Variants in TMEM39B observed in about 807,000 individuals in gnomAD.
TMEM39B encodes transmembrane protein 39B.
TMEM39B carries 23 observed loss-of-function variants against 52.2 expected under a neutral mutation model. The observed-to-expected ratio is 0.44, with a 90% CI of 0.32 to 0.62. The LOEUF (loss-of-function observed/expected upper bound fraction) is 0.62. Ranked by LOEUF, TMEM39B falls within the 20% of genes least tolerant of loss-of-function variation. The probability of loss-of-function intolerance (pLI) is 0.06; values close to 1 mark genes in which losing one functional copy is unlikely to be tolerated. For synonymous variants in TMEM39B, 285 were observed against 264.0 expected (o/e 1.08, Z -0.77); for missense variants, 547 against 642.0 (o/e 0.85, Z 1.60).
chr1:32,097,991 A>G (rs1640876079), intron 7 of TMEM39B, among the ~76,000 whole-genome samples: 1 of 151,498 alleles, frequency 6.6e-6, no homozygotes, highest in South Asian at 2.1e-4. Context: ...GAGTCGCACA[A>G]TAACTTTTCT....
In TMEM39B at chr1:32,075,747, C is replaced by T. The variant is rs1399959979; in HGVS notation, c.276C>T (p.Leu92=). ...TCTTCTTCTGCCAGCTCATAGCACT[C>T]TTCGTCCACTACATCAACATCTACA... ...LQLFFCQLIA[L]FVHYINIYKT... Residue 92 remains leucine, a synonymous_variant, in exon 3 of 9, where the codon CTC becomes CTT. Coordinates refer to ENST00000336294, the MANE Select transcript of TMEM39B (RefSeq NM_018056.4). 2 of 1,551,478 alleles carry T rather than the reference C, an allele frequency of 1.3e-6. No individual in the cohort carries two copies. Among genetic ancestry groups the T allele is most frequent in the South Asian group, 2.4e-5 (2 of 84,050 alleles).
At chr1:32,097,425 G>C (rs1640853010) in intron 7 of TMEM39B, among the ~76,000 whole-genome samples, 1 of 151,492 alleles carries the variant, frequency 6.6e-6, no homozygotes, top group Admixed American at 6.6e-5. Flanking sequence ...CCGCCTCCCA[G>C]GTTCAAGCAG....
At chr1:32,079,304 C>A (rs1049359370) in intron 5 of TMEM39B, among the ~76,000 whole-genome samples, 2 of 151,934 alleles carry the variant, frequency 1.3e-5, no homozygotes, top group African/African-American at 4.8e-5. Flanking sequence ...CCTGCCTCAG[C>A]CTCCTGAGTA....
At chr1:32,096,413 G>A (rs561340660) in intron 7 of TMEM39B, among the ~76,000 whole-genome samples, 1 of 150,656 alleles carries the variant, frequency 6.6e-6, no homozygotes, top group Admixed American at 6.6e-5. Context: ...CAAAGGTCAG[G>A]GCCCTTGCCT....
intron 6 of TMEM39B, among the ~76,000 whole-genome samples, chr1:32,092,625 G>T (rs1025049990): frequency 6.6e-6 from 1 of 152,080 alleles, no homozygotes; most frequent in Non-Finnish European, 1.5e-5. Context: ...CAAGTAGCTG[G>T]GATCATAGAC....
Position 32,102,642 on chromosome 1 carries a change from C to T in TMEM39B, c.1448C>T (p.Pro483Leu). 1 of 1,599,734 alleles carries T rather than the reference C, an allele frequency of 6.3e-7. No homozygotes were observed. Among genetic ancestry groups the T allele is most frequent in the Non-Finnish European group, 8.5e-7 (1 of 1,171,714 alleles). Reference protein sequence around the residue: ...LGKAYSYSASPQRDLDHRFS With the variant: ...LGKAYSYSASLQRDLDHRFS ...AAGGCCTACTCATACTCTGCTAGCC[C>T]CCAGAGAGACCTGGACCACCGTTTC... Residue 483 changes from proline (P) to leucine (L), a missense_variant, in exon 9 of 9, where the codon CCC becomes CTC. By Grantham distance (98) the Pro-to-Leu change is moderately conservative. Transcript: ENST00000336294.
chr1:32,096,432 C>T (rs1640808981), intron 7 of TMEM39B, among the ~76,000 whole-genome samples: 1 of 147,880 alleles, frequency 6.8e-6, no homozygotes, highest in Non-Finnish European at 1.5e-5. Flanking sequence ...CTGTCTAGCA[C>T]TCAGTTGTCT....
At chr1:32,082,707 T>G (rs886282850) in intron 5 of TMEM39B, among the ~76,000 whole-genome samples, 1 of 152,044 alleles carries the variant, frequency 6.6e-6, no homozygotes, top group Non-Finnish European at 1.5e-5. Flanking sequence ...CCATTCATCT[T>G]GGCCTCCCAA....
At chr1:32,078,168 G>A (rs559907510) in intron 5 of TMEM39B, among the ~76,000 whole-genome samples, 12 of 152,234 alleles carry the variant, frequency 7.9e-5, no homozygotes, top group African/African-American at 2.9e-4. Flanking sequence ...ACTTCCTTCA[G>A]TTATATCTAC....
intron 5 of TMEM39B, among the ~76,000 whole-genome samples, chr1:32,086,274 G>A (rs1640346525): frequency 6.6e-6 from 1 of 152,142 alleles, no homozygotes; most frequent in Admixed American, 6.6e-5. Context: ...CTTCAAGGCA[G>A]AGTCTCTCTT....
At chr1:32,075,199 A>G in intron 2 of TMEM39B, 122 bp downstream of exon 2, 2 of 1,358,760 alleles carry the variant, frequency 1.5e-6, no homozygotes, top group Non-Finnish European at 9.8e-7. Flanking sequence ...AGAGGGGAGT[A>G]AGCAGCAGAA....
At chr1:32,089,017 T>A (rs1640495458) in intron 5 of TMEM39B, among the ~76,000 whole-genome samples, 1 of 152,020 alleles carries the variant, frequency 6.6e-6, no homozygotes, top group Non-Finnish European at 1.5e-5. Context: ...AATACCTTGC[T>A]GAGAGTGGGA....
intron 7 of TMEM39B, among the ~76,000 whole-genome samples, chr1:32,096,499 G>T (rs200162158): frequency 1.1e-4 from 13 of 113,696 alleles, no homozygotes; most frequent in Admixed American, 4.1e-4. Context: ...ACGCTCTGTT[G>T]CCCAGGCTGG....
chr1:32,076,885 TCC>T (rs1639885543), intron 4 of TMEM39B, 39 bp downstream of exon 4: 1 of 1,599,534 alleles, frequency 6.3e-7, no homozygotes, highest in Non-Finnish European at 8.6e-7. Context: ...ACTTTGGGAT[TCC>T]CCTTTTCCCC....
chr1:32,101,450 A>C (rs1273077687), intron 8 of TMEM39B, among the ~76,000 whole-genome samples: 1 of 150,832 alleles, frequency 6.6e-6, no homozygotes, highest in African/African-American at 2.4e-5. Flanking sequence ...TTTAAAAAAA[A>C]CAATCAGAGG....
chr1:32,075,099 C>T (rs1639797357), intron 2 of TMEM39B, 22 bp downstream of exon 2: 1 of 1,542,390 alleles, frequency 6.5e-7, no homozygotes, highest in Admixed American at 2.0e-5. Flanking sequence ...CTCTGTCTCA[C>T]CCCTCACTGT....
intron 5 of TMEM39B, among the ~76,000 whole-genome samples, chr1:32,089,576 C>CA (rs969115627): frequency 6.6e-6 from 1 of 151,704 alleles, no homozygotes; most frequent in African/African-American, 2.4e-5. Context: ...AACAGAAACT[C>CA]AGGGAGGCTA....
At chr1:32,089,392 G>A (rs562702457) in intron 5 of TMEM39B, among the ~76,000 whole-genome samples, 4 of 151,906 alleles carry the variant, frequency 2.6e-5, no homozygotes, top group Non-Finnish European at 5.9e-5. Flanking sequence ...TCTGCCTCCC[G>A]AAGTGCTGGG....
chr1:32,085,750 CAA>C (rs113814805), intron 5 of TMEM39B, among the ~76,000 whole-genome samples: 7 of 127,748 alleles, frequency 5.5e-5, no homozygotes, highest in Admixed American at 1.6e-4. Flanking sequence ...GACTCTGTCT[CAA>C]AAAAAAAAAA....
Sources: gnomAD v4.1 joint callset for allele counts (sites outside exome capture counted in the v4.1 genomes callset) on GRCh38, gnomAD v4.1.1 for gene constraint, MANE v1.5 for transcripts, NCBI Gene and HGNC (gene_info 2026-07-23, HGNC 2026-07-21) for gene names.